ATG10: variants seen among roughly 807,000 people sequenced by gnomAD.
ATG10 encodes the protein autophagy related 10.
A neutral mutation model predicts 32.1 loss-of-function variants in ATG10; 30 were observed. That is an observed-to-expected ratio of 0.94 (90% CI 0.70 to 1.27). The LOEUF (loss-of-function observed/expected upper bound fraction) is 1.27, where lower values mean the gene tolerates loss of function less well. Ranked by LOEUF, ATG10 falls within the 50% of genes most tolerant of loss-of-function variation. The pLI, the probability that ATG10 is intolerant of heterozygous loss-of-function variation, is 0.00. For synonymous variants in ATG10, 87 were observed against 91.5 expected (o/e 0.95, Z 0.28); for missense variants, 233 against 262.3 (o/e 0.89, Z 0.77).
At chr5:81,985,307 A>T (rs913001197) in intron 1 of ATG10, among the ~76,000 whole-genome samples, 7 of 152,140 alleles carry the variant, frequency 4.6e-5, no homozygotes, top group African/African-American at 9.7e-5. Context: ...AGTTGGAAAA[A>T]TTTCCTCTGG....
chr5:82,159,372 A>C (rs1188825789), intron 3 of ATG10, among the ~76,000 whole-genome samples: 1 of 152,144 alleles, frequency 6.6e-6, no homozygotes, highest in Non-Finnish European at 1.5e-5. Flanking sequence ...GAAACTGTAG[A>C]AAGTGAAACT....
At chr5:82,059,491 G>C (rs917351000) in intron 3 of ATG10, among the ~76,000 whole-genome samples, 4 of 149,572 alleles carry the variant, frequency 2.7e-5, no homozygotes, top group Admixed American at 6.7e-5. Context: ...TCTCTTTAAT[G>C]CCTCCATTGC....
Position 82,253,441 on chromosome 5 carries a change from G to C in ATG10, c.*4+12G>C, listed in dbSNP as rs1399845834. 1 of 1,493,724 alleles carries C rather than the reference G, an allele frequency of 6.7e-7. No homozygotes were observed. The highest frequency in any genetic ancestry group is 1.4e-5 in the African/African-American group (1 of 73,088). The allele number at this position is 1,493,724 out of a possible 1,614,324, so 92.5% of individuals were successfully genotyped here. ...TGTCCCTTAACAAGGTAAAAGAAAA[G>C]CCTGGATTTAATGTTTTGCCGTTAC... On this transcript the variant is annotated intron_variant, in intron 7 of 7. Transcript: ENST00000282185.
intron 3 of ATG10, among the ~76,000 whole-genome samples, chr5:82,090,119 G>T (rs1243567780): frequency 6.6e-6 from 1 of 150,850 alleles, no homozygotes; most frequent in East Asian, 1.9e-4. Flanking sequence ...CCAGATGCTG[G>T]CAAGGATGCA....
intron 3 of ATG10, among the ~76,000 whole-genome samples, chr5:82,117,244 C>T (rs1041490906): frequency 6.6e-6 from 1 of 151,948 alleles, no homozygotes; most frequent in African/African-American, 2.4e-5. Flanking sequence ...ACAATGGAAA[C>T]ATTATGGAGC....
At chr5:81,989,230 C>G (rs1013879328) in intron 2 of ATG10, among the ~76,000 whole-genome samples, 2 of 152,198 alleles carry the variant, frequency 1.3e-5, no homozygotes, top group African/African-American at 4.8e-5. Flanking sequence ...GTGATGAATC[C>G]TGATTCTCTG....
At chr5:82,037,560 A>C (rs900539086) in intron 2 of ATG10, among the ~76,000 whole-genome samples, 1 of 152,070 alleles carries the variant, frequency 6.6e-6, no homozygotes, top group African/African-American at 2.4e-5. Flanking sequence ...TTTACTTTTT[A>C]TGTCTAATGT....
At chr5:82,003,747 A>C (rs1221952536) in intron 2 of ATG10, among the ~76,000 whole-genome samples, 1 of 152,232 alleles carries the variant, frequency 6.6e-6, no homozygotes, top group Non-Finnish European at 1.5e-5. Context: ...GAAAGAAATA[A>C]GTATTACCTT....
intron 1 of ATG10, among the ~76,000 whole-genome samples, chr5:81,974,822 C>G (rs903214525): frequency 6.6e-6 from 1 of 152,198 alleles, no homozygotes; most frequent in African/African-American, 2.4e-5. Flanking sequence ...CACCCTGTCC[C>G]CAGATTCTCA....
intron 5 of ATG10, among the ~76,000 whole-genome samples, chr5:82,179,932 C>T (rs1366092340): frequency 1.3e-5 from 2 of 152,082 alleles, no homozygotes; most frequent in South Asian, 4.1e-4. Context: ...CACACTGCCC[C>T]TCAAATTAAT....
chr5:81,976,577 A>C (rs1457895159), intron 1 of ATG10, among the ~76,000 whole-genome samples: 1 of 152,180 alleles, frequency 6.6e-6, no homozygotes, highest in Non-Finnish European at 1.5e-5. Context: ...ACTGACTTTT[A>C]CTGGAATGAT....
rs188244138 is a variant in ATG10 at position 82,030,627 on chromosome 5, T to C, written c.109-27868T>C. Among the ~76,000 whole-genome samples, 123 of 152,298 alleles carry C rather than the reference T, an allele frequency of 8.1e-4. 1 individual carries two copies. The East Asian group carries it at 0.017, about 21-fold the overall frequency. On this transcript the variant is annotated intron_variant, in intron 2 of 7. Coordinates refer to ENST00000282185, the MANE Select transcript of ATG10 (RefSeq NM_031482.5). ...ATAGTGATACCAGAAAATAATATAT[T>C]ATTTTGGTGATCATTAGTTGCTGGT...
intron 5 of ATG10, among the ~76,000 whole-genome samples, chr5:82,228,008 C>A (rs758519006): frequency 6.6e-6 from 1 of 152,020 alleles, no homozygotes; most frequent in Non-Finnish European, 1.5e-5. Flanking sequence ...GAGTTCAAGA[C>A]CAGCCTGGGC....
At chr5:82,025,869 T>C (rs1369348009) in intron 2 of ATG10, among the ~76,000 whole-genome samples, 1 of 152,226 alleles carries the variant, frequency 6.6e-6, no homozygotes, top group African/African-American at 2.4e-5. Context: ...TACACATTTC[T>C]GATAAACTTG....
intron 3 of ATG10, among the ~76,000 whole-genome samples, chr5:82,087,734 A>G (rs1003153909): frequency 3.3e-5 from 5 of 152,142 alleles, no homozygotes; most frequent in Non-Finnish European, 4.4e-5. Context: ...GGGTGAGCAC[A>G]TGACTAACTT....
At chr5:81,973,591 TTTTGTTA>T (rs1760789713) in intron 1 of ATG10, among the ~76,000 whole-genome samples, 1 of 152,224 alleles carries the variant, frequency 6.6e-6, no homozygotes, top group East Asian at 1.9e-4. Context: ...TATTTATAAC[TTTTGTTA>T]TTGGACAATG....
intron 3 of ATG10, among the ~76,000 whole-genome samples, chr5:82,114,586 T>C (rs1441889109): frequency 6.6e-6 from 1 of 151,968 alleles, no homozygotes. Context: ...TTAAAATGAG[T>C]TACAAATGAA....
chr5:82,051,173 G>A (rs1429095727), intron 2 of ATG10, among the ~76,000 whole-genome samples: 1 of 152,124 alleles, frequency 6.6e-6, no homozygotes, highest in African/African-American at 2.4e-5. Flanking sequence ...GTGTTCAGTA[G>A]GGATTCACAA....
chr5:82,111,894 G>T (rs1466240768), intron 3 of ATG10, among the ~76,000 whole-genome samples: 1 of 151,974 alleles, frequency 6.6e-6, no homozygotes, highest in Non-Finnish European at 1.5e-5. Context: ...ATGGATATTT[G>T]TGTTCATATA....
Sources: allele counts gnomAD v4.1 joint callset (sites outside exome capture counted in the v4.1 genomes callset), GRCh38; gene constraint gnomAD v4.1.1; transcripts MANE v1.5; gene names NCBI Gene and HGNC (gene_info 2026-07-23, HGNC 2026-07-21).